The following PPFIBP2 variants were observed in gnomAD, a reference collection of about 807,000 sequenced individuals.
The protein encoded by PPFIBP2 is PPFIB scaffold protein 2.
Under a neutral mutation model 118.3 loss-of-function variants are expected in PPFIBP2, and 118 were observed. The ratio of observed to expected loss-of-function variants is 1.00; its 90% CI spans 0.86 to 1.16. PPFIBP2 has a LOEUF of 1.16. Among genes scored for constraint, PPFIBP2 ranks in the 50% most tolerant of loss-of-function variants. PPFIBP2 has a pLI of 0.00. For synonymous variants in PPFIBP2, 414 were observed against 397.4 expected (o/e 1.04, Z -0.50); for missense variants, 1,195 against 1,073.1 (o/e 1.11, Z -1.59).
chr11:7,639,926 A>G (rs998339494), intron 15 of PPFIBP2, 56 bp downstream of exon 15: 69 of 1,568,556 alleles, frequency 4.4e-5, no homozygotes, highest in Non-Finnish European at 5.7e-5. Flanking sequence ...GGCACTTTCA[A>G]TGATTGTATA....
At position 7,652,908 on chromosome 11, in the gene PPFIBP2, C is replaced by G. The variant is rs1590827729; in HGVS notation, c.2437-116C>G. Reference sequence around the variant, plus strand: ...GTTTTGTTCAGAGTCTTTCTAGGAGCAGTTTACATTATTCCTCTCCTTGAG... The same window carrying G: ...GTTTTGTTCAGAGTCTTTCTAGGAGGAGTTTACATTATTCCTCTCCTTGAG... On this transcript the variant is annotated intron_variant, in intron 23 of 23. Transcript: ENST00000299492. 5.9e-6 allele frequency: 7 copies of G among 1,185,350 alleles called. No individual in the cohort carries two copies. The South Asian group carries it at 7.5e-5, about 13-fold the overall frequency. The allele number at this position is 1,185,350 out of a possible 1,614,324, so 73.4% of individuals were successfully genotyped here.
At chr11:7,583,208 A>G (rs1242999040) in intron 3 of PPFIBP2, among the ~76,000 whole-genome samples, 2 of 152,088 alleles carry the variant, frequency 1.3e-5, no homozygotes, top group Admixed American at 6.6e-5. Context: ...AATCTTCCCC[A>G]TACATTTTCC....
At chr11:7,577,887 A>C (rs990069759) in intron 3 of PPFIBP2, among the ~76,000 whole-genome samples, 1 of 152,212 alleles carries the variant, frequency 6.6e-6, no homozygotes, top group Non-Finnish European at 1.5e-5. Context: ...TGGAGTGAGG[A>C]AAGTTGGTTA....
chr11:7,666,018 A>G, the PPFIBP2 span: 1 of 1,051,370 alleles, frequency 9.5e-7, no homozygotes, highest in Non-Finnish European at 1.4e-6. Flanking sequence ...GGTTGCTGGG[A>G]TGCTGTCTGG....
At chr11:7,624,342 G>A (rs1849705015) in intron 7 of PPFIBP2, among the ~76,000 whole-genome samples, 1 of 152,202 alleles carries the variant, frequency 6.6e-6, no homozygotes, top group Non-Finnish European at 1.5e-5. Context: ...GTTTCCTCGG[G>A]TGGTTGCTTG....
chr11:7,558,908 A>G (rs976456280), intron 2 of PPFIBP2, among the ~76,000 whole-genome samples: 3 of 152,206 alleles, frequency 2.0e-5, no homozygotes, highest in Admixed American at 6.5e-5. Context: ...TATAACCATC[A>G]AAGCTAGACT....
intron 3 of PPFIBP2, among the ~76,000 whole-genome samples, chr11:7,582,229 A>C (rs1857379906): frequency 6.6e-6 from 1 of 152,168 alleles, no homozygotes; most frequent in Non-Finnish European, 1.5e-5. Flanking sequence ...ACCTCTGGTT[A>C]CTCGGGAGCC....
chr11:7,631,133 A>T (rs1850706702), intron 11 of PPFIBP2, 105 bp downstream of exon 11: 3 of 833,328 alleles, frequency 3.6e-6, no homozygotes, highest in Middle Eastern at 2.3e-4. Flanking sequence ...ACATCTTGGC[A>T]GGTGAATACT....
At chr11:7,650,751 G>T in intron 21 of PPFIBP2, 89 bp from the exon 22 acceptor site, 2 of 1,446,968 alleles carry the variant, frequency 1.4e-6, no homozygotes, top group Non-Finnish European at 1.9e-6. Context: ...TGCGTCTGGG[G>T]CAGGGTTACT....
the PPFIBP2 span, chr11:7,665,926 T>C: frequency 1.3e-6 from 2 of 1,536,022 alleles, no homozygotes; most frequent in Non-Finnish European, 1.7e-6. Flanking sequence ...TAGCGCCCTC[T>C]GCCGACCAGG....
Position 7,632,934 on chromosome 11 carries a change from G to A in PPFIBP2, c.1136G>A (p.Arg379Lys), listed in dbSNP as rs773436295. ...PPLPQKSLET[R>K]AQKKLSCSLE... ...TTGCCACAGAAATCACTGGAAACCA[G>A]GTAAGAGGCCTGGGCATTTCCCCAC... Residue 379 changes from arginine to lysine, a missense_variant and splice_region_variant, in exon 12 of 24, where the codon AGG becomes AAG. Arg to Lys is a conservative substitution (Grantham distance 26). Transcript: ENST00000299492. 6.2e-7 allele frequency: 1 copy of A among 1,613,244 alleles called. No individual in the cohort carries two copies. Among genetic ancestry groups the A allele is most frequent in the African/African-American group, 1.3e-5 (1 of 75,030 alleles).
At chr11:7,569,581 G>A (rs1343465012) in intron 3 of PPFIBP2, among the ~76,000 whole-genome samples, 1 of 152,218 alleles carries the variant, frequency 6.6e-6, no homozygotes, top group Non-Finnish European at 1.5e-5. Context: ...TGGAAAGTTG[G>A]TGAATGAGGA....
chr11:7,661,022 T>G (rs981338378), downstream of PPFIBP2, among the ~76,000 whole-genome samples: 1 of 151,992 alleles, frequency 6.6e-6, no homozygotes, highest in African/African-American at 2.4e-5. Flanking sequence ...ATTGTGTCTA[T>G]TTGATTCTTC....
At position 7,653,410 on chromosome 11, in the gene PPFIBP2, G is replaced by C. The variant is rs1159482835; in HGVS notation, c.*192G>C. The C allele has an allele frequency of 4.7e-6, 7 of 1,493,742 alleles. No individual in the cohort carries two copies. In the African/African-American group the frequency reaches 9.7e-5, roughly 21 times the overall value. The allele number at this position is 1,493,742 out of a possible 1,614,324, so 92.5% of individuals were successfully genotyped here. A position where few individuals can be genotyped will look rare whatever the true frequency, so the allele number is the denominator to read the frequency against. ...CTGGAGCTGCATCTCTAAGGGGCCAGGCTTTGGGGACCATTGCCAAAGGTG... is the reference window on the plus strand; with the variant it reads ...CTGGAGCTGCATCTCTAAGGGGCCACGCTTTGGGGACCATTGCCAAAGGTG... On this transcript the variant is annotated 3_prime_UTR_variant, in exon 24 of 24. Transcript: ENST00000299492.
At chr11:7,642,575 C>A in intron 17 of PPFIBP2, 149 bp downstream of exon 17, 1 of 848,326 alleles carries the variant, frequency 1.2e-6, no homozygotes, top group Non-Finnish European at 1.8e-6. Context: ...TACAGTACGT[C>A]ATTTCCAGCA....
At chr11:7,651,474 G>A (rs764436643) in intron 22 of PPFIBP2, 182 bp from the exon 23 acceptor site, 1 of 563,546 alleles carries the variant, frequency 1.8e-6, no homozygotes, top group Non-Finnish European at 3.1e-6. Flanking sequence ...ACATGTGCTA[G>A]TATGTGCTCA....
At chr11:7,658,114 T>C (rs1015425406), downstream of PPFIBP2, among the ~76,000 whole-genome samples, 2 of 152,240 alleles carry the variant, frequency 1.3e-5, no homozygotes, top group East Asian at 3.8e-4. Flanking sequence ...GATGCTCCAA[T>C]ATTAGTTTCT....
intron 17 of PPFIBP2, among the ~76,000 whole-genome samples, chr11:7,645,090 G>C (rs941503844): frequency 2.0e-5 from 3 of 146,778 alleles, no homozygotes; most frequent in Non-Finnish European, 3.0e-5. Flanking sequence ...TTTTAAGACT[G>C]CTGACTATTT....
At chr11:7,537,080 A>G (rs182487006) in intron 1 of PPFIBP2, among the ~76,000 whole-genome samples, 5 of 152,078 alleles carry the variant, frequency 3.3e-5, no homozygotes, top group Admixed American at 3.3e-4. Flanking sequence ...TCCTCCTCCT[A>G]CGTTATTGCT....
Sources: gnomAD v4.1 joint callset for allele counts (sites outside exome capture counted in the v4.1 genomes callset) on GRCh38, gnomAD v4.1.1 for gene constraint, MANE v1.5 for transcripts, NCBI Gene and HGNC (gene_info 2026-07-23, HGNC 2026-07-21) for gene names.